Variants in WWP2 observed in about 807,000 individuals in gnomAD.
WWP2 encodes WW domain containing E3 ubiquitin protein ligase 2.
In WWP2, 57 loss-of-function variants were observed where a neutral mutation model predicts 121.0. The ratio of observed to expected loss-of-function variants is 0.47; its 90% confidence interval spans 0.38 to 0.59. The LOEUF (loss-of-function observed/expected upper bound fraction) is 0.59. Among genes scored for constraint, WWP2 ranks in the 20% least tolerant of loss-of-function variants. WWP2 has a pLI of 0.00. For missense variants in WWP2, 962 were observed against 1,158.9 expected (o/e 0.83, Z 2.47); for synonymous variants, 449 against 441.3 (o/e 1.02, Z -0.22).
At position 69,917,927 on chromosome 16, in the gene WWP2, C is replaced by T. The variant is rs778427480; in HGVS notation, c.1179+44C>T. On this transcript the variant is annotated intron_variant, in intron 10 of 23. Transcript: ENST00000359154. Reference sequence around the variant, plus strand: ...GGCCCGAGGTGGGGCCGCCTCCCTGCGCTTGCGAATGTGCAGCCACGTGTT... The same window carrying T: ...GGCCCGAGGTGGGGCCGCCTCCCTGTGCTTGCGAATGTGCAGCCACGTGTT... The T allele has an allele frequency of 2.0e-5, 32 of 1,567,438 alleles. No individual in the cohort carries two copies. In the Admixed American group the frequency reaches 4.8e-4, roughly 24 times the overall value.
chr16:69,873,612 C>T (rs941273473), intron 7 of WWP2, among the ~76,000 whole-genome samples: 1 of 152,162 alleles, frequency 6.6e-6, no homozygotes, highest in African/African-American at 2.4e-5. Flanking sequence ...AAGTGATGGC[C>T]GTGAGCCATA....
intron 10 of WWP2, 143 bp downstream of exon 10, chr16:69,918,026 T>C (rs1353307444): frequency 1.8e-6 from 2 of 1,105,376 alleles, no homozygotes; most frequent in Non-Finnish European, 2.5e-6. Context: ...GAGATTTTAC[T>C]CATCACAGTG....
At chr16:69,765,533 T>C (rs952774665) in intron 1 of WWP2, among the ~76,000 whole-genome samples, 1 of 151,992 alleles carries the variant, frequency 6.6e-6, no homozygotes, top group Non-Finnish European at 1.5e-5. Context: ...GCAGTTTAAA[T>C]AGGATCCTGG....
intron 6 of WWP2, among the ~76,000 whole-genome samples, chr16:69,863,380 C>T (rs970457794): frequency 6.6e-6 from 1 of 152,184 alleles, no homozygotes; most frequent in African/African-American, 2.4e-5. Flanking sequence ...TGGCTCATGC[C>T]TGTAATCCTT....
chr16:69,831,236 A>G (rs892890634), intron 4 of WWP2, among the ~76,000 whole-genome samples: 3 of 152,088 alleles, frequency 2.0e-5, no homozygotes, highest in Non-Finnish European at 4.4e-5. Context: ...TATCATTTGT[A>G]TTCTGAATTA....
At chr16:69,858,527 G>A (rs16959282) in intron 6 of WWP2, among the ~76,000 whole-genome samples, 3,823 of 152,080 alleles carry the variant, frequency 0.025, 141 homozygotes, top group African/African-American at 0.085. Flanking sequence ...CTTTATCACA[G>A]CCGCCTTGTG....
intron 6 of WWP2, among the ~76,000 whole-genome samples, chr16:69,860,440 G>A (rs967347177): frequency 6.6e-6 from 1 of 152,168 alleles, no homozygotes; most frequent in Non-Finnish European, 1.5e-5. Flanking sequence ...GTGCCATAAA[G>A]GGAACAATTA....
chr16:69,914,729 C>G (rs2058454956), intron 9 of WWP2, among the ~76,000 whole-genome samples: 1 of 152,158 alleles, frequency 6.6e-6, no homozygotes. Flanking sequence ...GCACTCCAGC[C>G]TGGGCAACAG....
intron 6 of WWP2, among the ~76,000 whole-genome samples, chr16:69,851,708 C>T (rs925660893): frequency 3.9e-5 from 6 of 152,168 alleles, no homozygotes; most frequent in African/African-American, 9.6e-5. Flanking sequence ...CGGTCGGGAA[C>T]GGTGGCTCAT....
intron 6 of WWP2, among the ~76,000 whole-genome samples, chr16:69,862,805 G>A (rs908873949): frequency 2.0e-5 from 3 of 146,686 alleles, no homozygotes; most frequent in East Asian, 4.0e-4. Flanking sequence ...AGCTCACTGC[G>A]GCCTCGACCT....
At chr16:69,924,811 G>A (rs1263561032) in intron 10 of WWP2, among the ~76,000 whole-genome samples, 1 of 151,714 alleles carries the variant, frequency 6.6e-6, no homozygotes, top group Non-Finnish European at 1.5e-5. Flanking sequence ...ACATTCCTGG[G>A]GGAGGTGAGG....
intron 4 of WWP2, among the ~76,000 whole-genome samples, chr16:69,804,573 A>G (rs907158336): frequency 2.6e-5 from 4 of 152,276 alleles, no homozygotes; most frequent in Middle Eastern, 3.4e-3. Flanking sequence ...CACTCTGTCT[A>G]TGCTATTGTA....
Position 69,925,594 on chromosome 16 carries a change from C to T in WWP2, c.1234+110C>T. On this transcript the variant is annotated intron_variant, in intron 11 of 23. Coordinates refer to ENST00000359154, the MANE Select transcript of WWP2 (RefSeq NM_001270454.2). The surrounding 1 kb of genome is among the most constrained non-coding windows in gnomAD (Gnocchi z 4.0). ...GTTCCTGTCCCTCTGTTTTCCATCT[C>T]TCCCCTCTCCAGCACACTCTCTGGG... 7.2e-7 allele frequency: 1 copy of T among 1,386,104 alleles called. No individual in the cohort carries two copies. The highest frequency in any genetic ancestry group is 9.8e-7 in the Non-Finnish European group (1 of 1,016,618). 85.9% of individuals were successfully genotyped at this position (1,386,104 alleles called of 1,614,324 possible).
At chr16:69,830,117 G>A (rs1427152681) in intron 4 of WWP2, among the ~76,000 whole-genome samples, 1 of 152,158 alleles carries the variant, frequency 6.6e-6, no homozygotes, top group African/African-American at 2.4e-5. Context: ...ACCATGCCTG[G>A]CTAGTTTTTG....
Position 69,931,899 on chromosome 16 carries a change from G to C in WWP2, c.1682+9G>C, listed in dbSNP as rs1481197274. 5 of 1,611,238 alleles carry C rather than the reference G, an allele frequency of 3.1e-6. No homozygotes were observed. Among genetic ancestry groups the C allele is most frequent in the Admixed American group, 1.7e-5 (1 of 59,922 alleles). On this transcript the variant is annotated intron_variant, in intron 16 of 23. Coordinates refer to ENST00000359154, the MANE Select transcript of WWP2 (RefSeq NM_001270454.2). ...TATGGGGGCATCGCCAGGTGAGCTT[G>C]AGTGCCCCGGAAGGCTGCCCTGTAC... is the stretch of plus-strand genomic sequence containing the variant.
intron 4 of WWP2, among the ~76,000 whole-genome samples, chr16:69,826,709 C>G (rs1005525442): frequency 1.6e-5 from 2 of 126,428 alleles, no homozygotes; most frequent in Non-Finnish European, 3.3e-5. Flanking sequence ...GAAACCCTCT[C>G]TCTAATAAAA....
At chr16:69,826,006 C>T (rs1411987754) in intron 4 of WWP2, among the ~76,000 whole-genome samples, 1 of 152,112 alleles carries the variant, frequency 6.6e-6, no homozygotes, top group Non-Finnish European at 1.5e-5. Flanking sequence ...GTGGCTCATG[C>T]CTGTAATCCC....
intron 6 of WWP2, among the ~76,000 whole-genome samples, 180 bp downstream of exon 6, chr16:69,842,300 A>T (rs1051702286): frequency 1.3e-4 from 19 of 149,692 alleles, no homozygotes; most frequent in South Asian, 6.4e-4. Context: ...ATCCTTATTT[A>T]TTTTTTTTTT....
At chr16:69,845,033 G>A (rs1233817202) in intron 6 of WWP2, among the ~76,000 whole-genome samples, 1 of 152,194 alleles carries the variant, frequency 6.6e-6, no homozygotes, top group African/African-American at 2.4e-5. Flanking sequence ...ATTGGATAAA[G>A]GTGTAGGGCT....
Sources: gnomAD v4.1 joint callset for allele counts (sites outside exome capture counted in the v4.1 genomes callset) on GRCh38, gnomAD v4.1.1 for gene constraint, Gnocchi (gnomAD v3.1) non-coding constraint, MANE v1.5 for transcripts, NCBI Gene and HGNC (gene_info 2026-07-23, HGNC 2026-07-21) for gene names.